The following ROR2 variants were observed in gnomAD, a reference collection of about 807,000 sequenced individuals.
ROR2 encodes ROR family WNT receptor 2, also known as tyrosine-protein kinase transmembrane receptor ROR2.
A neutral mutation model predicts 74.9 loss-of-function variants in ROR2; 33 were observed. The ratio of observed to expected loss-of-function variants is 0.44; its 90% CI spans 0.33 to 0.59. The LOEUF is 0.59. ROR2 is among the 20% of genes least tolerant of loss of function. ROR2 has a pLI of 0.02. For synonymous variants in ROR2, 586 were observed against 558.7 expected, an observed-to-expected ratio of 1.05 and a Z score of -0.69; for missense variants, 1,216 against 1,313.8, an observed-to-expected ratio of 0.93 and a Z score of 1.15.
chr9:91,948,695 G>A (rs1832077216), intron 1 of ROR2: 1 of 985,414 alleles, frequency 1.0e-6, no homozygotes. Context: ...CCCAGCCTGC[G>A]ACTGTCCCGA....
At chr9:91,802,631 G>C (rs1309287078) in intron 1 of ROR2, among the ~76,000 whole-genome samples, 1 of 152,132 alleles carries the variant, frequency 6.6e-6, no homozygotes, top group Non-Finnish European at 1.5e-5. Flanking sequence ...GGGAGAGAGA[G>C]GGCAAGGCTT....
chr9:91,820,275 T>TC (rs1444581754), intron 1 of ROR2, among the ~76,000 whole-genome samples: 3 of 152,152 alleles, frequency 2.0e-5, no homozygotes, highest in Non-Finnish European at 4.4e-5. Flanking sequence ...CCAAGTCTCA[T>TC]CCTCAAGACC....
intron 1 of ROR2, among the ~76,000 whole-genome samples, chr9:91,847,029 C>T (rs79426067): frequency 6.6e-6 from 1 of 152,078 alleles, no homozygotes; most frequent in African/African-American, 2.4e-5. Flanking sequence ...GCTGAGGGAA[C>T]AGCACATGCA....
At chr9:91,845,414 G>A (rs960572478) in intron 1 of ROR2, among the ~76,000 whole-genome samples, 3 of 152,076 alleles carry the variant, frequency 2.0e-5, no homozygotes, top group African/African-American at 4.8e-5. Context: ...CCATACCAGC[G>A]CACCATCCCA....
intron 1 of ROR2, among the ~76,000 whole-genome samples, chr9:91,929,290 C>T (rs777095932): frequency 1.4e-4 from 21 of 152,180 alleles, no homozygotes; most frequent in African/African-American, 5.1e-4. Flanking sequence ...TGTGAAGGAA[C>T]GCAAGGGAGG....
Position 91,778,354 on chromosome 9 carries a change from G to A in ROR2, c.98-2536C>T, listed in dbSNP as rs111885335. Among the ~76,000 whole-genome samples, 670 of 152,326 alleles carry A rather than the reference G, an allele frequency of 4.4e-3. 4 individuals carry two copies. The highest frequency in any genetic ancestry group is 0.016 in the African/African-American group (649 of 41,570). On this transcript the variant is annotated intron_variant, in intron 1 of 8. Coordinates refer to ENST00000375708, the MANE Select transcript of ROR2 (RefSeq NM_004560.4). ...TTGCCTTGGTGGTGACTGCCAACCC[G>A]ATATGGCTGGTGAATGATCACGGTC...
intron 1 of ROR2, 58 bp downstream of exon 1, chr9:91,949,809 G>A: frequency 8.9e-7 from 1 of 1,117,652 alleles, no homozygotes; most frequent in East Asian, 2.6e-5. Context: ...CGGCGGAAGG[G>A]CTGGCCAAGC....
chr9:91,913,111 AGAGT>A (rs1718452513), intron 1 of ROR2, among the ~76,000 whole-genome samples: 1 of 152,192 alleles, frequency 6.6e-6, no homozygotes, highest in Admixed American at 6.5e-5. Context: ...CCTGAGCAAC[AGAGT>A]GAGAGACTCC....
chr9:91,880,335 C>G (rs1463087841), intron 1 of ROR2, among the ~76,000 whole-genome samples: 1 of 152,102 alleles, frequency 6.6e-6, no homozygotes, highest in African/African-American at 2.4e-5. Context: ...TTGTATAAGC[C>G]CTTAAGTCTG....
chr9:91,833,659 G>T (rs1419174050), intron 1 of ROR2, among the ~76,000 whole-genome samples: 1 of 152,010 alleles, frequency 6.6e-6, no homozygotes, highest in Admixed American at 6.6e-5. Context: ...TGCCCGCCTC[G>T]AGCTGCCTGC....
At chr9:91,879,420 G>T (rs1232687069) in intron 1 of ROR2, among the ~76,000 whole-genome samples, 3 of 149,858 alleles carry the variant, frequency 2.0e-5, no homozygotes, top group Non-Finnish European at 4.4e-5. Context: ...GGGAGTGGGT[G>T]TGGGTGTGTG....
At chr9:91,811,391 C>T (rs772885901) in intron 1 of ROR2, among the ~76,000 whole-genome samples, 10 of 152,354 alleles carry the variant, frequency 6.6e-5, no homozygotes, top group South Asian at 4.1e-4. Context: ...TCCGCCCCAG[C>T]GCTTCTCCAG....
chr9:91,949,030 G>A (rs1221425726), intron 1 of ROR2: 7 of 743,634 alleles, frequency 9.4e-6, no homozygotes, highest in Non-Finnish European at 9.9e-6. Context: ...ACCGCGCAGG[G>A]ACTCGGGGGA....
chr9:91,909,859 T>G (rs1325867027), intron 1 of ROR2, among the ~76,000 whole-genome samples: 2 of 126,968 alleles, frequency 1.6e-5, no homozygotes, highest in African/African-American at 3.2e-5. Flanking sequence ...TTTTTTTTTT[T>G]TTTTTTTTTT....
intron 1 of ROR2, among the ~76,000 whole-genome samples, chr9:91,886,032 C>T (rs1830260193): frequency 6.6e-6 from 1 of 151,958 alleles, no homozygotes; most frequent in African/African-American, 2.4e-5. Flanking sequence ...TGCACCACTA[C>T]GTCCGGCTAA....
chr9:91,783,632 T>G (rs1044053280), intron 1 of ROR2, among the ~76,000 whole-genome samples: 2 of 152,204 alleles, frequency 1.3e-5, no homozygotes, highest in Non-Finnish European at 2.9e-5. Context: ...AGGCCTAGTC[T>G]TGTGCCCAAA....
rs80004161 is a variant in ROR2, at chr9:91,729,841, G to A, written c.1183+1069C>T. On this transcript the variant is annotated intron_variant, in intron 7 of 8. Transcript: ENST00000375708. ...AGGACAAGCAATGAATTCTATTTTC[G>A]CCTCACTCCACCAAACCTAAGTGTA... 7.5e-3 allele frequency among the ~76,000 whole-genome samples: 1,146 copies of A among 152,284 alleles called. 15 individuals carry two copies. Among genetic ancestry groups the A allele is most frequent in the African/African-American group, 0.026 (1,087 of 41,532 alleles).
At chr9:91,926,424 T>C (rs1214710391) in intron 1 of ROR2, among the ~76,000 whole-genome samples, 2 of 149,072 alleles carry the variant, frequency 1.3e-5, no homozygotes, top group East Asian at 4.0e-4. Context: ...CACATGCCTA[T>C]AACGCCAGCT....
At chr9:91,767,308 C>T (rs941440114) in intron 2 of ROR2, among the ~76,000 whole-genome samples, 4 of 151,948 alleles carry the variant, frequency 2.6e-5, no homozygotes, top group African/African-American at 9.7e-5. Context: ...CTCCTGACCT[C>T]GTGATCCACC....
Sources: allele counts gnomAD v4.1 joint callset (sites outside exome capture counted in the v4.1 genomes callset), GRCh38; gene constraint gnomAD v4.1.1; transcripts MANE v1.5; gene names NCBI Gene and HGNC (gene_info 2026-07-23, HGNC 2026-07-21).